Variants in PBX1 observed in about 807,000 individuals in gnomAD.
The protein encoded by PBX1 is pre-B-cell leukemia transcription factor 1.
PBX1 carries 6 observed loss-of-function variants against 53.4 expected under a neutral mutation model. The observed-to-expected ratio is 0.11, with a 90% CI of 0.06 to 0.22. The LOEUF (loss-of-function observed/expected upper bound fraction) is 0.22. PBX1 is among the 10% of genes least tolerant of loss of function. The pLI is 1.00. For synonymous variants in PBX1, 204 were observed against 212.3 expected, an observed-to-expected ratio of 0.96 and a Z score of 0.34; for missense variants, 251 against 551.4, an observed-to-expected ratio of 0.46 and a Z score of 5.46.
At chr1:164,841,530 A>C (rs1366637790) in intron 8 of PBX1, among the ~76,000 whole-genome samples, 1 of 152,170 alleles carries the variant, frequency 6.6e-6, no homozygotes, top group Non-Finnish European at 1.5e-5. Flanking sequence ...GAATACCCAG[A>C]CCGGGCCTGG....
At chr1:164,757,864 G>T (rs1045278926) in intron 2 of PBX1, among the ~76,000 whole-genome samples, 3 of 152,134 alleles carry the variant, frequency 2.0e-5, no homozygotes, top group Non-Finnish European at 2.9e-5. Context: ...CTCATCTTTG[G>T]TGGGCTGGTC....
rs1227740088 is a variant in PBX1, at chr1:164,776,934, T to A, written c.266-15560T>A. On this transcript the variant is annotated intron_variant, in intron 2 of 8. Coordinates refer to ENST00000420696, the MANE Select transcript of PBX1 (RefSeq NM_002585.4). The stretch of plus-strand genomic sequence containing the variant: ...GTGTGTGTGTGTGTGTGTGTGTGTG[T>A]GGTGGGAGGAGAGAGAGAGAGAGAG... Among the ~76,000 whole-genome samples the A allele has an allele frequency of 4.1e-4, 23 of 56,104 alleles. No homozygotes were observed. In the East Asian group the frequency reaches 7.0e-3, roughly 17 times the overall value. 36.8% of individuals were successfully genotyped at this position (56,104 alleles called of 152,430 possible).
intron 2 of PBX1, among the ~76,000 whole-genome samples, chr1:164,727,151 T>G (rs538552183): frequency 6.6e-6 from 1 of 152,344 alleles, no homozygotes; most frequent in South Asian, 2.1e-4. Context: ...CCTGAGTTAT[T>G]GCATTCACCC....
intron 2 of PBX1, among the ~76,000 whole-genome samples, chr1:164,586,949 A>G (rs896632240): frequency 2.0e-5 from 3 of 152,140 alleles, no homozygotes; most frequent in African/African-American, 4.8e-5. Flanking sequence ...AGGATTTTAT[A>G]TGGAGAATGA....
In PBX1 at chr1:164,734,162, T is replaced by C. The variant is rs1161438741; in HGVS notation, c.266-58332T>C. On this transcript the variant is annotated intron_variant, in intron 2 of 8. Transcript: ENST00000420696. ...GCACTTTACATACATTTCAAATACG[T>C]TGGATCCTACCACTATGTACTTTGG... Among the ~76,000 whole-genome samples the C allele has an allele frequency of 2.0e-5, 3 of 152,192 alleles. 1 individual carries two copies.
intron 2 of PBX1, among the ~76,000 whole-genome samples, chr1:164,723,486 G>A (rs1664518555): frequency 6.6e-6 from 1 of 152,216 alleles, no homozygotes; most frequent in African/African-American, 2.4e-5. Flanking sequence ...GCGGGCATAT[G>A]AAAGGGGTTG....
At chr1:164,817,979 G>A (rs1319075810) in intron 6 of PBX1, 1 of 152,178 alleles carries the variant, frequency 6.6e-6, no homozygotes, top group Non-Finnish European at 1.5e-5. Context: ...TAAAATACGT[G>A]AGCCTGAAAC....
Position 164,735,115 on chromosome 1 carries a change from A to G in PBX1, c.266-57379A>G, listed in dbSNP as rs146669495. 4.6e-5 allele frequency among the ~76,000 whole-genome samples: 7 copies of G among 152,356 alleles called. No individual in the cohort carries two copies. In the East Asian group the frequency reaches 1.3e-3, roughly 29 times the overall value. On this transcript the variant is annotated intron_variant, in intron 2 of 8. Coordinates refer to ENST00000420696, the MANE Select transcript of PBX1 (RefSeq NM_002585.4). ...GTTTTAGCTCATCTATAATGCATTGATAATGTAAATGTATTCATACTTTTA... is the reference window on the plus strand; with the variant it reads ...GTTTTAGCTCATCTATAATGCATTGGTAATGTAAATGTATTCATACTTTTA...
chr1:164,671,596 G>A (rs1407360170), intron 2 of PBX1, among the ~76,000 whole-genome samples: 1 of 152,030 alleles, frequency 6.6e-6, no homozygotes, highest in African/African-American at 2.4e-5. Flanking sequence ...CCATCAGTAT[G>A]ATTTCTGAAA....
At chr1:164,725,367 A>G (rs912448046) in intron 2 of PBX1, among the ~76,000 whole-genome samples, 9 of 152,138 alleles carry the variant, frequency 5.9e-5, no homozygotes, top group African/African-American at 2.2e-4. Context: ...GTGTGTTCAC[A>G]TAGTTAACCA....
intron 4 of PBX1, among the ~76,000 whole-genome samples, chr1:164,800,569 G>A (rs1287030464): frequency 6.6e-6 from 1 of 152,146 alleles, no homozygotes; most frequent in Non-Finnish European, 1.5e-5. Context: ...CAGAACAAGT[G>A]GTCATCTCTT....
intron 8 of PBX1, among the ~76,000 whole-genome samples, chr1:164,844,544 G>A (rs1671469457): frequency 6.6e-6 from 1 of 152,054 alleles, no homozygotes; most frequent in South Asian, 2.1e-4. Context: ...CCAAGTAGTA[G>A]GATTATGGGT....
intron 2 of PBX1, among the ~76,000 whole-genome samples, chr1:164,647,345 C>T (rs1015601771): frequency 1.5e-4 from 23 of 152,008 alleles, no homozygotes; most frequent in African/African-American, 5.3e-4. Flanking sequence ...CACGGCAGTC[C>T]GGACCCCAGA....
rs962718744 is a variant in PBX1, at chr1:164,575,631, G to A, written c.265+12320G>A. ...TATCCCTAACAAAGAAAGACTCCCAGAGAGTCTAATGATGAGCCCTGCCTA... is the reference window on the plus strand; with the variant it reads ...TATCCCTAACAAAGAAAGACTCCCAAAGAGTCTAATGATGAGCCCTGCCTA... On this transcript the variant is annotated intron_variant, in intron 2 of 8. Coordinates refer to ENST00000420696, the MANE Select transcript of PBX1 (RefSeq NM_002585.4). Among the ~76,000 whole-genome samples, 3 of 152,164 alleles carry A rather than the reference G, an allele frequency of 2.0e-5. No individual in the cohort carries two copies. In the East Asian group the frequency reaches 5.8e-4, roughly 29 times the overall value.
intron 2 of PBX1, among the ~76,000 whole-genome samples, chr1:164,879,980 T>C (rs1344964518): frequency 2.6e-5 from 4 of 152,172 alleles, no homozygotes; most frequent in Non-Finnish European, 4.4e-5. Context: ...GAGGTGCCAG[T>C]GGTATAGAAG....
At chr1:164,596,608 T>C (rs1337491572) in intron 2 of PBX1, among the ~76,000 whole-genome samples, 1 of 152,226 alleles carries the variant, frequency 6.6e-6, no homozygotes, top group Non-Finnish European at 1.5e-5. Context: ...TAGACCTGCC[T>C]ATGATGTAGG....
chr1:164,659,974 C>T (rs892167362), intron 2 of PBX1, among the ~76,000 whole-genome samples: 1 of 152,184 alleles, frequency 6.6e-6, no homozygotes, highest in African/African-American at 2.4e-5. Context: ...CACTGCCTAT[C>T]TGTCCAATAA....
In PBX1 at chr1:164,871,467, G is replaced by A. The variant is rs147511586; in HGVS notation, n.258-27721G>A. ...TAATGTGCATATGCACACAGGCACA[G>A]GCAGCTGCTGATTTGGGTTTTCCTG... On this transcript the variant is annotated intron_variant and non_coding_transcript_variant, in intron 2 of 2. Coordinates refer to the PBX1 transcript ENST00000558796. 1.6e-4 allele frequency among the ~76,000 whole-genome samples: 25 copies of A among 152,356 alleles called. 1 individual carries two copies. Among genetic ancestry groups the A allele is most frequent in the African/African-American group, 5.8e-4 (24 of 41,590 alleles).
chr1:164,585,355 GCAGTTCTAATGTTTCTGA>G (rs1418529548), intron 2 of PBX1, among the ~76,000 whole-genome samples: 5 of 152,280 alleles, frequency 3.3e-5, no homozygotes, highest in African/African-American at 1.2e-4. Flanking sequence ...CAATCCCAGG[GCAGTTCTAATGTTTCTGA>G]GTAAGGAGTA....
Sources: gnomAD v4.1 joint callset for allele counts (sites outside exome capture counted in the v4.1 genomes callset) on GRCh38, gnomAD v4.1.1 for gene constraint, MANE v1.5 for transcripts, NCBI Gene and HGNC (gene_info 2026-07-23, HGNC 2026-07-21) for gene names.